The following PDE10A variants were observed in gnomAD, a reference collection of about 807,000 sequenced individuals.
PDE10A encodes cAMP and cAMP-inhibited cGMP 3',5'-cyclic phosphodiesterase 10A.
A neutral mutation model predicts 97.7 loss-of-function variants in PDE10A; 39 were observed. The ratio of observed to expected loss-of-function variants is 0.40; its 90% confidence interval spans 0.31 to 0.52. PDE10A has a LOEUF of 0.52. Among genes scored for constraint, PDE10A ranks in the 20% least tolerant of loss-of-function variants. PDE10A has a pLI of 0.56. For missense variants in PDE10A, 731 were observed against 1,047.8 expected (o/e 0.70, Z 4.17); for synonymous variants, 371 against 376.8 (o/e 0.98, Z 0.18).
At chr6:165,960,664 G>C (rs184149673) in intron 1 of PDE10A, among the ~76,000 whole-genome samples, 18 of 152,202 alleles carry the variant, frequency 1.2e-4, no homozygotes, top group Admixed American at 1.2e-3. Context: ...AGATCTGTAC[G>C]GCAAGGGACG....
At chr6:165,451,065 G>GA (rs1791254759) in intron 3 of PDE10A, among the ~76,000 whole-genome samples, 1 of 152,194 alleles carries the variant, frequency 6.6e-6, no homozygotes, top group Non-Finnish European at 1.5e-5. Flanking sequence ...TGCACTGGGT[G>GA]AAACAAGTGC....
At chr6:165,561,271 T>C (rs530979392) in intron 1 of PDE10A, among the ~76,000 whole-genome samples, 1 of 151,944 alleles carries the variant, frequency 6.6e-6, no homozygotes, top group African/African-American at 2.4e-5. Flanking sequence ...TCTCCTGCTG[T>C]CATGTGAAGA....
Position 165,878,160 on chromosome 6 carries a change from AC to A in PDE10A, c.-615+109368del, listed in dbSNP as rs1331088971. ...ACCAATGCCCTGTTTACTACCCAAAACCTGCCACATTTTACAAAATCAGATT... is the reference window on the plus strand; with the variant it reads ...ACCAATGCCCTGTTTACTACCCAAAACTGCCACATTTTACAAAATCAGATT... On this transcript the variant is annotated intron_variant, in intron 1 of 19. Transcript: ENST00000366882. Among the ~76,000 whole-genome samples the A allele has an allele frequency of 2.6e-5, 4 of 152,226 alleles. No homozygotes were observed. In the East Asian group the frequency reaches 7.7e-4, roughly 29 times the overall value.
At chr6:165,889,844 AC>A (rs1781727336) in intron 1 of PDE10A, among the ~76,000 whole-genome samples, 1 of 118,820 alleles carries the variant, frequency 8.4e-6, no homozygotes, top group Non-Finnish European at 1.8e-5. Context: ...CGCCCCACTC[AC>A]TCCTCACTCC....
At chr6:165,373,574 G>A in intron 18 of PDE10A, among the ~76,000 whole-genome samples, 1 of 152,080 alleles carries the variant, frequency 6.6e-6, no homozygotes. Flanking sequence ...CAAAAAGTCA[G>A]GAAACAACAG....
intron 13 of PDE10A, among the ~76,000 whole-genome samples, chr6:165,398,499 C>CAAAA: frequency 1.1e-5 from 1 of 90,778 alleles, no homozygotes; most frequent in Non-Finnish European, 2.1e-5. Context: ...CTCTCTCTCT[C>CAAAA]AAAAAAAAAA....
chr6:165,611,339 T>TCCTC (rs1562627735), intron 1 of PDE10A, among the ~76,000 whole-genome samples: 1 of 152,126 alleles, frequency 6.6e-6, no homozygotes, highest in East Asian at 1.9e-4. Context: ...TGAAAACATG[T>TCCTC]CCTCCCCTGC....
chr6:165,842,680 G>A (rs1445531017), intron 1 of PDE10A, among the ~76,000 whole-genome samples: 2 of 152,216 alleles, frequency 1.3e-5, no homozygotes, highest in African/African-American at 4.8e-5. Context: ...TAAGCACTGT[G>A]CCCAGACCAT....
chr6:165,367,659 G>A (rs1457446651), intron 18 of PDE10A, among the ~76,000 whole-genome samples: 2 of 113,308 alleles, frequency 1.8e-5, no homozygotes, highest in African/African-American at 4.3e-5. Context: ...CCTCAGGAGG[G>A]GGAAAAAAAA....
intron 1 of PDE10A, among the ~76,000 whole-genome samples, chr6:165,654,117 A>G (rs1789819266): frequency 1.3e-5 from 2 of 152,154 alleles, no homozygotes; most frequent in African/African-American, 4.8e-5. Context: ...TGTTTAGTAT[A>G]TTTTTTAAAT....
intron 2 of PDE10A, among the ~76,000 whole-genome samples, chr6:165,513,925 A>G (rs558074404): frequency 3.9e-5 from 6 of 152,118 alleles, no homozygotes; most frequent in African/African-American, 1.4e-4. Flanking sequence ...TCCATAAAAG[A>G]TGTTGTGATT....
chr6:165,731,288 A>G (rs1792430280), intron 1 of PDE10A, among the ~76,000 whole-genome samples: 1 of 152,182 alleles, frequency 6.6e-6, no homozygotes, highest in Admixed American at 6.5e-5. Context: ...TACGGGGGGA[A>G]AAGTGCCCTG....
At chr6:165,799,380 T>G (rs1016438951) in intron 1 of PDE10A, among the ~76,000 whole-genome samples, 1 of 152,240 alleles carries the variant, frequency 6.6e-6, no homozygotes, top group Non-Finnish European at 1.5e-5. Flanking sequence ...GAAGGGCATT[T>G]TTTTTTGTCC....
At chr6:165,348,714 T>A (rs1169955029) in intron 18 of PDE10A, among the ~76,000 whole-genome samples, 1 of 152,218 alleles carries the variant, frequency 6.6e-6, no homozygotes, top group African/African-American at 2.4e-5. Context: ...TCTTGAATTG[T>A]AGTTCCCATA....
At chr6:165,459,162 G>A (rs1436701188) in intron 3 of PDE10A, among the ~76,000 whole-genome samples, 1 of 152,206 alleles carries the variant, frequency 6.6e-6, no homozygotes, top group East Asian at 1.9e-4. Flanking sequence ...ATCCGAAGAA[G>A]AGTGAGCATG....
chr6:165,908,621 G>T (rs923676137), intron 1 of PDE10A, among the ~76,000 whole-genome samples: 3 of 152,186 alleles, frequency 2.0e-5, no homozygotes, highest in African/African-American at 4.8e-5. Context: ...TGCCAATTCC[G>T]TGTTGTATTG....
intron 1 of PDE10A, among the ~76,000 whole-genome samples, chr6:165,752,287 C>T (rs1793023743): frequency 6.6e-6 from 1 of 152,150 alleles, no homozygotes; most frequent in African/African-American, 2.4e-5. Context: ...TCTAACATCA[C>T]TGGCTTGAGT....
intron 1 of PDE10A, among the ~76,000 whole-genome samples, chr6:165,697,087 C>A (rs1468862182): frequency 6.6e-6 from 1 of 152,048 alleles, no homozygotes; most frequent in African/African-American, 2.4e-5. Flanking sequence ...ATGGAAGTAC[C>A]AGAAATGAGG....
intron 13 of PDE10A, among the ~76,000 whole-genome samples, chr6:165,401,650 G>A (rs1263637276): frequency 1.3e-5 from 2 of 151,986 alleles, no homozygotes; most frequent in Admixed American, 6.6e-5. Flanking sequence ...TAGTAAAGTT[G>A]AGAAAGAGCA....
Sources: gnomAD v4.1 joint callset for allele counts (sites outside exome capture counted in the v4.1 genomes callset) on GRCh38, gnomAD v4.1.1 for gene constraint, MANE v1.5 for transcripts, NCBI Gene and HGNC (gene_info 2026-07-23, HGNC 2026-07-21) for gene names.